The following CSMD1 variants were observed in gnomAD, a reference collection of about 807,000 sequenced individuals.
CSMD1 encodes the protein CUB and Sushi multiple domains 1, also known as CUB and sushi domain-containing protein 1.
A neutral mutation model predicts 417.5 loss-of-function variants in CSMD1; 213 were observed. The observed-to-expected ratio is 0.51, with a 90% CI of 0.46 to 0.57. The LOEUF is 0.57. CSMD1 is among the 20% of genes least tolerant of loss of function. The pLI, the probability that CSMD1 is intolerant of heterozygous loss-of-function variation, is 0.00. For missense variants in CSMD1, 6,923 were observed against 4,529.7 expected, an observed-to-expected ratio of 1.53 and a Z score of -15.17; for synonymous variants, 2,862 against 1,736.8, an observed-to-expected ratio of 1.65 and a Z score of -16.11.
chr8:3,627,893 G>A (rs145248776), intron 7 of CSMD1, among the ~76,000 whole-genome samples: 3 of 152,254 alleles, frequency 2.0e-5, no homozygotes, highest in Admixed American at 6.5e-5. Context: ...TTGACCTTTA[G>A]GAGAGCTTTA....
chr8:3,349,383 C>A (rs1351108452), intron 21 of CSMD1, among the ~76,000 whole-genome samples: 2 of 152,086 alleles, frequency 1.3e-5, no homozygotes, highest in Non-Finnish European at 2.9e-5. Context: ...TCCATGATTG[C>A]CCCCCAGTGA....
intron 26 of CSMD1, among the ~76,000 whole-genome samples, chr8:3,283,800 C>T (rs575239931): frequency 2.0e-5 from 3 of 152,364 alleles, no homozygotes; most frequent in South Asian, 2.1e-4. Context: ...TCTATCTTTT[C>T]GTCCTCTAAT....
intron 7 of CSMD1, among the ~76,000 whole-genome samples, chr8:3,692,671 G>A (rs376770552): frequency 1.3e-5 from 2 of 152,108 alleles, no homozygotes; most frequent in Non-Finnish European, 2.9e-5. Flanking sequence ...GACCTCAAAT[G>A]ATCTGCCTGC....
intron 10 of CSMD1, among the ~76,000 whole-genome samples, chr8:3,563,805 C>A (rs897722608): frequency 2.0e-5 from 3 of 152,212 alleles, no homozygotes; most frequent in East Asian, 3.9e-4. Flanking sequence ...GGGAGAATTT[C>A]TTGATCTCAG....
intron 3 of CSMD1, among the ~76,000 whole-genome samples, chr8:4,162,690 T>C (rs1797240415): frequency 6.6e-6 from 1 of 152,242 alleles, no homozygotes; most frequent in East Asian, 1.9e-4. Context: ...TCCCCAACTA[T>C]CAACATCCCA....
intron 12 of CSMD1, among the ~76,000 whole-genome samples, chr8:3,411,671 TGTATATATAC>T (rs1812709003): frequency 1.1e-5 from 1 of 88,322 alleles, no homozygotes; most frequent in South Asian, 3.6e-4. Context: ...TATATATACG[TGTATATATAC>T]GTGTATATAT....
rs2046199 is a variant in CSMD1 at position 3,798,413 on chromosome 8, G to A, written c.819-44371C>T. On this transcript the variant is annotated intron_variant, in intron 5 of 69. Transcript: ENST00000635120. ...CTCTTATATGCCCAAGTGTGAGTGT[G>A]AGGTAAGAGTGCAGTTTCACTGATA... 4.8e-3 allele frequency among the ~76,000 whole-genome samples: 731 copies of A among 152,132 alleles called. 4 individuals are homozygous for A. The highest frequency in any genetic ancestry group is 0.017 in the African/African-American group (713 of 41,538).
chr8:4,246,030 G>T (rs1267505448), intron 3 of CSMD1, among the ~76,000 whole-genome samples: 1 of 152,064 alleles, frequency 6.6e-6, no homozygotes, highest in Non-Finnish European at 1.5e-5. Flanking sequence ...GTTGTTGTTT[G>T]ATTTTTAACT....
At chr8:4,722,529 G>C (rs959084323) in intron 1 of CSMD1, among the ~76,000 whole-genome samples, 1 of 152,036 alleles carries the variant, frequency 6.6e-6, no homozygotes, top group Non-Finnish European at 1.5e-5. Context: ...TCAGGAGTAT[G>C]CTCTGAATGG....
At chr8:4,430,709 C>A (rs560730981) in intron 2 of CSMD1, among the ~76,000 whole-genome samples, 426 of 152,142 alleles carry the variant, frequency 2.8e-3, no homozygotes, top group South Asian at 0.015. Context: ...AACAAAAAAT[C>A]TAAAGAGATT....
At chr8:3,775,372 A>G (rs544877869) in intron 5 of CSMD1, among the ~76,000 whole-genome samples, 2 of 152,196 alleles carry the variant, frequency 1.3e-5, no homozygotes, top group South Asian at 4.1e-4. Context: ...CAGACACAGC[A>G]TAGCAGGTAA....
At chr8:4,182,379 T>G (rs1798428784) in intron 3 of CSMD1, among the ~76,000 whole-genome samples, 1 of 152,162 alleles carries the variant, frequency 6.6e-6, no homozygotes, top group South Asian at 2.1e-4. Context: ...GTATATTATC[T>G]TTTAAAACTT....
At chr8:4,579,360 G>C (rs1024260305) in intron 2 of CSMD1, among the ~76,000 whole-genome samples, 2 of 151,784 alleles carry the variant, frequency 1.3e-5, no homozygotes, top group Admixed American at 6.6e-5. Flanking sequence ...ACGTGTGTGT[G>C]TGTGTTTGTG....
chr8:4,850,955 T>C (rs1292352410), intron 1 of CSMD1, among the ~76,000 whole-genome samples: 2 of 151,674 alleles, frequency 1.3e-5, no homozygotes, highest in African/African-American at 2.4e-5. Flanking sequence ...ATTTCCTTTT[T>C]TTAATATATA....
chr8:4,491,111 T>A (rs909447719), intron 2 of CSMD1, among the ~76,000 whole-genome samples: 1 of 152,144 alleles, frequency 6.6e-6, no homozygotes, highest in South Asian at 2.1e-4. Flanking sequence ...AGGCTTAATA[T>A]GCGGGCAATG....
At chr8:4,218,457 C>G (rs948989792) in intron 3 of CSMD1, among the ~76,000 whole-genome samples, 5 of 152,156 alleles carry the variant, frequency 3.3e-5, no homozygotes, top group Non-Finnish European at 5.9e-5. Flanking sequence ...TTCATATTTT[C>G]CATGAAAGTC....
At chr8:4,581,973 G>C (rs1799440547) in intron 2 of CSMD1, among the ~76,000 whole-genome samples, 1 of 151,960 alleles carries the variant, frequency 6.6e-6, no homozygotes, top group African/African-American at 2.4e-5. Context: ...TTTGATGGAA[G>C]ACAAACGACG....
chr8:3,062,975 G>C (rs1375189732), intron 49 of CSMD1, among the ~76,000 whole-genome samples: 8 of 152,180 alleles, frequency 5.3e-5, no homozygotes, highest in East Asian at 3.9e-4. Flanking sequence ...AAAATTCCTA[G>C]AGAAAAAAAG....
intron 10 of CSMD1, among the ~76,000 whole-genome samples, chr8:3,533,211 G>A (rs982693031): frequency 2.0e-5 from 3 of 152,084 alleles, no homozygotes; most frequent in Non-Finnish European, 2.9e-5. Context: ...AAAACCAGAT[G>A]CCTATTTTCT....
Sources: gnomAD v4.1 joint callset for allele counts (sites outside exome capture counted in the v4.1 genomes callset) on GRCh38, gnomAD v4.1.1 for gene constraint, MANE v1.5 for transcripts, NCBI Gene and HGNC (gene_info 2026-07-23, HGNC 2026-07-21) for gene names.